Variants in CADM2 observed in about 807,000 individuals in gnomAD.
CADM2 encodes the protein immunoglobulin superfamily member 4D.
Under a neutral mutation model 49.8 loss-of-function variants are expected in CADM2, and 12 were observed. The observed-to-expected ratio is 0.24, with a 90% CI of 0.15 to 0.39. The LOEUF (loss-of-function observed/expected upper bound fraction) is 0.39. Among genes scored for constraint, CADM2 ranks in the 10% least tolerant of loss-of-function variants. CADM2 has a pLI of 1.00. For missense variants in CADM2, 378 were observed against 492.3 expected (o/e 0.77, Z 2.20); for synonymous variants, 214 against 175.4 (o/e 1.22, Z -1.74).
At chr3:85,700,498 T>C (rs1370482341) in intron 1 of CADM2, among the ~76,000 whole-genome samples, 4 of 152,114 alleles carry the variant, frequency 2.6e-5, no homozygotes, top group Admixed American at 2.0e-4. Flanking sequence ...GTAAATAAAA[T>C]ATATAAGTTC....
At chr3:85,548,274 C>T (rs2061714913) in intron 1 of CADM2, among the ~76,000 whole-genome samples, 3 of 49,172 alleles carry the variant, frequency 6.1e-5, no homozygotes, top group Non-Finnish European at 7.6e-5. Flanking sequence ...CACATTTATC[C>T]GAAAGCTCAA....
chr3:86,002,724 A>G (rs190389677), intron 8 of CADM2, among the ~76,000 whole-genome samples: 4 of 152,298 alleles, frequency 2.6e-5, no homozygotes, highest in Admixed American at 6.5e-5. Flanking sequence ...TTTGAAAACT[A>G]TTGGTTCAAA....
chr3:85,726,460 G>A (rs369475708), intron 1 of CADM2, 62 bp from the exon 2 acceptor site: 3 of 1,582,346 alleles, frequency 1.9e-6, no homozygotes, highest in African/African-American at 2.7e-5. Context: ...TTTCTTACTA[G>A]AGAATCTGTC....
intron 1 of CADM2, among the ~76,000 whole-genome samples, chr3:85,142,158 GCAA>G (rs1422718065): frequency 5.9e-5 from 9 of 152,138 alleles, no homozygotes; most frequent in Non-Finnish European, 1.2e-4. Flanking sequence ...ACCAACTTCT[GCAA>G]CAACATAAAA....
At chr3:85,559,656 A>ACG (rs903341525) in intron 1 of CADM2, among the ~76,000 whole-genome samples, 2 of 42,600 alleles carry the variant, frequency 4.7e-5, no homozygotes, top group African/African-American at 1.9e-4. Context: ...TTTAAAAGAA[A>ACG]CACACACACA....
At chr3:85,683,976 G>A (rs112917886) in intron 1 of CADM2, among the ~76,000 whole-genome samples, 2 of 152,102 alleles carry the variant, frequency 1.3e-5, no homozygotes, top group African/African-American at 4.8e-5. Flanking sequence ...ATAGCAGATA[G>A]CCACCTTCCT....
At position 85,413,134 on chromosome 3, in the gene CADM2, G is replaced by A. The variant is rs535630642; in HGVS notation, c.62-313388G>A. ...CCAGCCTGGGCGACAGCAAGACTCC[G>A]TCTCAAAAAAAAAAAAAAAAAAAAA... is the stretch of plus-strand genomic sequence containing the variant. On this transcript the variant is annotated intron_variant, in intron 1 of 9. Coordinates refer to ENST00000383699, the MANE Select transcript of CADM2 (RefSeq NM_001167675.2). Among the ~76,000 whole-genome samples, 18 of 25,332 alleles carry A rather than the reference G, an allele frequency of 7.1e-4. No individual in the cohort carries two copies. In the East Asian group the frequency reaches 0.012, roughly 17 times the overall value. The allele number at this position is 25,332 out of a possible 152,430, so 16.6% of individuals were successfully genotyped here.
At chr3:85,240,610 G>A (rs2042510139) in intron 1 of CADM2, among the ~76,000 whole-genome samples, 1 of 151,402 alleles carries the variant, frequency 6.6e-6, no homozygotes, top group South Asian at 2.1e-4. Flanking sequence ...TATCAATGGG[G>A]CAAGGTATCA....
intron 3 of CADM2, among the ~76,000 whole-genome samples, chr3:85,835,033 A>G (rs966863748): frequency 6.6e-6 from 1 of 151,666 alleles, no homozygotes; most frequent in Admixed American, 6.6e-5. Flanking sequence ...AATCAGAAGT[A>G]TGACGGTCTC....
At chr3:85,049,366 T>TATTTATTTA (rs1559634736) in intron 1 of CADM2, among the ~76,000 whole-genome samples, 1 of 147,118 alleles carries the variant, frequency 6.8e-6, no homozygotes. Flanking sequence ...TTTATTTATT[T>TATTTATTTA]TTGAGATGGA....
Position 86,073,235 on chromosome 3 carries a change from A to G in CADM2, c.*6452A>G, listed in dbSNP as rs1703379830. On this transcript the variant is annotated 3_prime_UTR_variant, in exon 10 of 10. Transcript: ENST00000383699. ...TCCAGAAACGCAGGTGTTCCCAGTA[A>G]TGTAGCTTCAAAAATAAAATGTGCT... 6.6e-6 allele frequency: 1 copy of G among 152,066 alleles called. No homozygotes were observed. Among genetic ancestry groups the G allele is most frequent in the Non-Finnish European group, 1.5e-5 (1 of 67,952 alleles). The allele number at this position is 152,066 out of a possible 1,614,324, so 9.4% of individuals were successfully genotyped here.
intron 3 of CADM2, among the ~76,000 whole-genome samples, chr3:85,805,130 G>T (rs564800809): frequency 1.1e-3 from 167 of 152,090 alleles, no homozygotes; most frequent in Admixed American, 3.3e-3. Flanking sequence ...TTTTTGTGTA[G>T]ACTGGGTTTC....
chr3:86,045,216 A>C (rs1430541450), intron 8 of CADM2, among the ~76,000 whole-genome samples: 1 of 152,162 alleles, frequency 6.6e-6, no homozygotes, highest in East Asian at 1.9e-4. Context: ...ATAATAAAAA[A>C]AAAAGATAGT....
chr3:85,572,570 TG>T (rs1176423291), intron 1 of CADM2, among the ~76,000 whole-genome samples: 1 of 151,976 alleles, frequency 6.6e-6, no homozygotes, highest in African/African-American at 2.4e-5. Context: ...CTGGAGACCG[TG>T]GGATGCTTGT....
chr3:86,011,857 T>C (rs1451791815), intron 8 of CADM2, among the ~76,000 whole-genome samples: 1 of 152,084 alleles, frequency 6.6e-6, no homozygotes, highest in African/African-American at 2.4e-5. Context: ...GGAATATAAG[T>C]GATTTAATTG....
chr3:85,204,160 A>G (rs1213322865), intron 1 of CADM2, among the ~76,000 whole-genome samples: 1 of 152,198 alleles, frequency 6.6e-6, no homozygotes, highest in Non-Finnish European at 1.5e-5. Context: ...ATTGTTTTTA[A>G]AAATTTATAA....
chr3:85,190,199 A>G (rs1318246351), intron 1 of CADM2, among the ~76,000 whole-genome samples: 1 of 152,108 alleles, frequency 6.6e-6, no homozygotes. Flanking sequence ...CTCAGAGTCT[A>G]GAATCACTGG....
rs1307394254 is a variant in CADM2 at position 85,655,457 on chromosome 3, C to T, written c.62-71065C>T. 2.6e-5 allele frequency among the ~76,000 whole-genome samples: 4 copies of T among 152,082 alleles called. 1 individual carries two copies. Among genetic ancestry groups the T allele is most frequent in the Non-Finnish European group, 4.4e-5 (3 of 68,020 alleles). On this transcript the variant is annotated intron_variant, in intron 1 of 9. Coordinates refer to ENST00000383699, the MANE Select transcript of CADM2 (RefSeq NM_001167675.2). ...TACAGGCACGAGCCACCATGCCCAG[C>T]CCCGCTTGGTAATTTTTTAACCTGA...
At chr3:85,319,159 C>T (rs114949847) in intron 1 of CADM2, among the ~76,000 whole-genome samples, 3 of 152,250 alleles carry the variant, frequency 2.0e-5, no homozygotes, top group African/African-American at 7.2e-5. Context: ...TAAATCAATG[C>T]TAACTGTCAT....
Sources: gnomAD v4.1 joint callset for allele counts (sites outside exome capture counted in the v4.1 genomes callset) on GRCh38, gnomAD v4.1.1 for gene constraint, MANE v1.5 for transcripts, NCBI Gene and HGNC (gene_info 2026-07-23, HGNC 2026-07-21) for gene names.